The following RORB variants were observed in gnomAD, a reference collection of about 807,000 sequenced individuals.
The protein encoded by RORB is RAR related orphan receptor B, also known as nuclear receptor ROR-beta.
RORB carries 6 observed loss-of-function variants against 59.1 expected under a neutral mutation model. The ratio of observed to expected loss-of-function variants is 0.10; its 90% CI spans 0.06 to 0.20. The LOEUF is 0.20. Among genes scored for constraint, RORB ranks in the 10% least tolerant of loss-of-function variants. The probability of loss-of-function intolerance (pLI) is 1.00; values close to 1 mark genes in which losing one functional copy is unlikely to be tolerated. For missense variants in RORB, 320 were observed against 560.5 expected, an observed-to-expected ratio of 0.57 and a Z score of 4.33; for synonymous variants, 215 against 204.5, an observed-to-expected ratio of 1.05 and a Z score of -0.44.
At chr9:74,546,471 CAGAAGCAAGTGAAAAAGGTTTT>C (rs1198831983) in intron 1 of RORB, among the ~76,000 whole-genome samples, 1 of 151,786 alleles carries the variant, frequency 6.6e-6, no homozygotes, top group Non-Finnish European at 1.5e-5. Context: ...AACACTGTCA[CAGAAGCAAGTGAAAAAGGTTTT>C]AGAAGAAGGG....
chr9:74,625,284 C>G (rs1283765323), intron 1 of RORB, among the ~76,000 whole-genome samples: 1 of 152,150 alleles, frequency 6.6e-6, no homozygotes, highest in Non-Finnish European at 1.5e-5. Flanking sequence ...AAATATATAT[C>G]CCCCACAATC....
chr9:74,666,555 GC>G (rs1824268405), intron 7 of RORB, among the ~76,000 whole-genome samples: 1 of 151,966 alleles, frequency 6.6e-6, no homozygotes, highest in African/African-American at 2.4e-5. Flanking sequence ...TGTGAAATCA[GC>G]TTTTTTTTTT....
chr9:74,667,804 A>G lies in RORB; in HGVS notation c.1014A>G (p.Leu338=), dbSNP rs61760899. Residue 338 remains leucine (L), a synonymous_variant, in exon 8 of 10, where the codon CTA becomes CTG. Transcript: ENST00000376896. The part of the protein sequence containing the change: ...QMFKALGSDD[L]VNEAFDFAKN... ...CTTCCTTTATAGGTTCTGATGACCT[A>G]GTGAATGAAGCATTTGACTTTGCAA... 1.9e-6 allele frequency: 3 copies of G among 1,608,916 alleles called. No individual in the cohort carries two copies. Among genetic ancestry groups the G allele is most frequent in the Non-Finnish European group, 2.6e-6 (3 of 1,175,282 alleles).
intron 1 of RORB, among the ~76,000 whole-genome samples, chr9:74,580,542 G>C (rs1260984543): frequency 6.6e-6 from 1 of 152,138 alleles, no homozygotes; most frequent in Non-Finnish European, 1.5e-5. Flanking sequence ...GGGAAGATTA[G>C]AGAGACTACC....
At chr9:74,625,653 G>GTC (rs1215642949) in intron 1 of RORB, among the ~76,000 whole-genome samples, 5 of 152,172 alleles carry the variant, frequency 3.3e-5, no homozygotes, top group Non-Finnish European at 5.9e-5. Flanking sequence ...ATAAGAAGGA[G>GTC]TATATCAAAT....
At chr9:74,587,963 T>C (rs1044980203) in intron 1 of RORB, among the ~76,000 whole-genome samples, 5 of 152,120 alleles carry the variant, frequency 3.3e-5, no homozygotes, top group African/African-American at 1.2e-4. Flanking sequence ...GTCTGAAAAA[T>C]CGTTCAAATA....
chr9:74,609,506 A>G (rs1823202297), intron 1 of RORB, among the ~76,000 whole-genome samples: 1 of 152,208 alleles, frequency 6.6e-6, no homozygotes. Flanking sequence ...CAATGTAAAG[A>G]CTTCAGGAGA....
At chr9:74,554,873 T>C (rs912525972) in intron 1 of RORB, among the ~76,000 whole-genome samples, 2 of 152,188 alleles carry the variant, frequency 1.3e-5, no homozygotes, top group African/African-American at 4.8e-5. Flanking sequence ...CAGCATCTCC[T>C]TTCTATAGTT....
rs1466713302 is a variant in RORB, at chr9:74,691,873, T to A, written c.*6255T>A. 3 of 152,162 alleles carry A rather than the reference T, an allele frequency of 2.0e-5. No individual in the cohort carries two copies. The highest frequency in any genetic ancestry group is 7.2e-5 in the African/African-American group (3 of 41,438). The allele number at this position is 152,162 out of a possible 1,614,324, so 9.4% of individuals were successfully genotyped here. ...GAAAGGGACAGGGCTGTCAATTAAA[T>A]CTGCTCCAAAGAATTTGTATTGAAG... On this transcript the variant is annotated 3_prime_UTR_variant, in exon 10 of 10. Transcript: ENST00000376896.
At chr9:74,685,106 C>T (rs1236065883) in intron 9 of RORB, among the ~76,000 whole-genome samples, 1 of 152,158 alleles carries the variant, frequency 6.6e-6, no homozygotes, top group African/African-American at 2.4e-5. Context: ...GACAAAGTCA[C>T]AGCTACACCA....
chr9:74,641,733 T>C (rs1823810160), intron 3 of RORB, among the ~76,000 whole-genome samples: 1 of 149,988 alleles, frequency 6.7e-6, no homozygotes, highest in Non-Finnish European at 1.5e-5. Flanking sequence ...AGGCCCCGGC[T>C]CTACAAAAAT....
chr9:74,589,083 C>T (rs948006507), intron 1 of RORB, among the ~76,000 whole-genome samples: 14 of 152,110 alleles, frequency 9.2e-5, no homozygotes, highest in African/African-American at 3.1e-4. Flanking sequence ...TATTGGATGT[C>T]CAATTACAGA....
chr9:74,651,483 C>T (rs1335632562), intron 4 of RORB, among the ~76,000 whole-genome samples: 11 of 151,520 alleles, frequency 7.3e-5, no homozygotes, highest in Admixed American at 4.6e-4. Flanking sequence ...TGCAGTGAGC[C>T]AAGATTGCAC....
At chr9:74,685,399 T>C (rs1166395490) in intron 9 of RORB, 64 bp from the exon 10 acceptor site, 10 of 1,348,346 alleles carry the variant, frequency 7.4e-6, no homozygotes, top group Admixed American at 2.2e-5. Context: ...AGGACACTGG[T>C]TCCACAGACA....
intron 1 of RORB, among the ~76,000 whole-genome samples, chr9:74,544,862 C>A (rs1826464408): frequency 6.6e-6 from 1 of 152,174 alleles, no homozygotes; most frequent in Admixed American, 6.5e-5. Context: ...GAGGAGTAAA[C>A]ATAAACTTTG....
intron 9 of RORB, among the ~76,000 whole-genome samples, chr9:74,678,889 C>T (rs969333075): frequency 2.6e-5 from 4 of 151,588 alleles, no homozygotes; most frequent in Admixed American, 6.6e-5. Flanking sequence ...AAAATTGTCC[C>T]GGCATGGTGG....
chr9:74,555,954 A>G (rs563402833), intron 1 of RORB, among the ~76,000 whole-genome samples: 5 of 152,270 alleles, frequency 3.3e-5, no homozygotes, highest in African/African-American at 1.2e-4. Flanking sequence ...TTTAAAATAT[A>G]TTTTGGTGAT....
intron 1 of RORB, among the ~76,000 whole-genome samples, chr9:74,581,680 C>G (rs1273477569): frequency 6.6e-6 from 1 of 152,170 alleles, no homozygotes; most frequent in African/African-American, 2.4e-5. Context: ...GTCGGGAGAT[C>G]TGCATCACTC....
intron 4 of RORB, among the ~76,000 whole-genome samples, chr9:74,649,582 G>T (rs1225072810): frequency 6.6e-6 from 1 of 151,984 alleles, no homozygotes; most frequent in Non-Finnish European, 1.5e-5. Context: ...ATCTTTCTAG[G>T]TATCCTCTAA....
Sources: allele counts gnomAD v4.1 joint callset (sites outside exome capture counted in the v4.1 genomes callset), GRCh38; gene constraint gnomAD v4.1.1; transcripts MANE v1.5; gene names NCBI Gene and HGNC (gene_info 2026-07-23, HGNC 2026-07-21).